Variants in RBFOX1 observed in about 807,000 individuals in gnomAD.
RBFOX1 encodes the protein RNA binding fox-1 homolog 1.
In RBFOX1, 8 loss-of-function variants were observed where a neutral mutation model predicts 57.7. That is an observed-to-expected ratio of 0.14 (90% CI 0.08 to 0.25). The LOEUF (loss-of-function observed/expected upper bound fraction) is 0.25. RBFOX1 is among the 10% of genes least tolerant of loss of function. The pLI is 1.00. For missense variants in RBFOX1, 611 were observed against 548.5 expected, an observed-to-expected ratio of 1.11 and a Z score of -1.14; for synonymous variants, 326 against 222.4, an observed-to-expected ratio of 1.47 and a Z score of -4.15.
intron 14 of RBFOX1, among the ~76,000 whole-genome samples, chr16:7,685,803 T>A (rs12930718): frequency 0.97 from 147,744 of 152,176 alleles, 71,895 homozygotes; most frequent in East Asian, 1. Context: ...GCATCCCAGG[T>A]CTTGTAGGTA....
At position 6,725,283 on chromosome 16, in the gene RBFOX1, C is replaced by T. The variant is rs943724554; in HGVS notation, c.-16+70633C>T. On this transcript the variant is annotated intron_variant, in intron 3 of 15. Coordinates refer to ENST00000550418, the MANE Select transcript of RBFOX1 (RefSeq NM_018723.4). Reference sequence around the variant, plus strand: ...AGCCAGGATGGTCTGGATCTCCTGACCTCGTGATCCACCCACCTCGGCCTC... The same window carrying T: ...AGCCAGGATGGTCTGGATCTCCTGATCTCGTGATCCACCCACCTCGGCCTC... Among the ~76,000 whole-genome samples, 6 of 152,002 alleles carry T rather than the reference C, an allele frequency of 3.9e-5. No individual in the cohort carries two copies. In the South Asian group the frequency reaches 1.2e-3, roughly 32 times the overall value.
rs2082617704 is a variant in RBFOX1 at position 7,706,861 on chromosome 16, G to A, written c.996-2195G>A. 2.0e-5 allele frequency among the ~76,000 whole-genome samples: 3 copies of A among 152,270 alleles called. No individual in the cohort carries two copies. The South Asian group carries it at 6.2e-4, about 32-fold the overall frequency. On this transcript the variant is annotated intron_variant, in intron 14 of 15. Transcript: ENST00000550418. Reference sequence around the variant, plus strand: ...TTACTATGTACTTCTAGTTAAGTGGGTAAAGGCCCAGGTCTCAGGAGTGAG... The same window carrying A: ...TTACTATGTACTTCTAGTTAAGTGGATAAAGGCCCAGGTCTCAGGAGTGAG...
chr16:6,385,096 C>G (rs1343672327), intron 2 of RBFOX1, among the ~76,000 whole-genome samples: 1 of 152,178 alleles, frequency 6.6e-6, no homozygotes, highest in Non-Finnish European at 1.5e-5. Context: ...GACTCTCATT[C>G]ACTCTAAAAT....
chr16:7,310,590 C>T (rs2096285085), intron 4 of RBFOX1, among the ~76,000 whole-genome samples: 1 of 152,208 alleles, frequency 6.6e-6, no homozygotes, highest in Non-Finnish European at 1.5e-5. Flanking sequence ...AAACTTCAGA[C>T]ATTCAGGCAC....
intron 4 of RBFOX1, among the ~76,000 whole-genome samples, chr16:5,906,176 G>T (rs762444995): frequency 2.0e-5 from 3 of 152,124 alleles, no homozygotes; most frequent in South Asian, 2.1e-4. Flanking sequence ...TGAAGTCCTA[G>T]GCCTCAGTGC....
chr16:5,711,877 T>C (rs1290078554), intron 3 of RBFOX1, among the ~76,000 whole-genome samples: 1 of 152,220 alleles, frequency 6.6e-6, no homozygotes, highest in African/African-American at 2.4e-5. Context: ...CCTCTATTTA[T>C]TGAGTGCTTA....
chr16:7,053,616 C>T (rs1243420816), intron 4 of RBFOX1, among the ~76,000 whole-genome samples: 1 of 152,108 alleles, frequency 6.6e-6, no homozygotes, highest in Admixed American at 6.5e-5. Context: ...GTTAAGGACG[C>T]AGTAGGTAAT....
At chr16:5,469,963 G>T (rs2069079365) in intron 2 of RBFOX1, among the ~76,000 whole-genome samples, 1 of 152,094 alleles carries the variant, frequency 6.6e-6, no homozygotes, top group Non-Finnish European at 1.5e-5. Context: ...ATAAACATTT[G>T]TGCCCATGTA....
intron 1 of RBFOX1, among the ~76,000 whole-genome samples, chr16:6,270,452 T>A (rs1325145223): frequency 7.8e-6 from 1 of 128,210 alleles, no homozygotes; most frequent in Non-Finnish European, 1.6e-5. Context: ...ATAAAGTAGA[T>A]TTAAGAGCAA....
At chr16:5,698,942 C>G (rs1252208405) in intron 3 of RBFOX1, among the ~76,000 whole-genome samples, 3 of 149,216 alleles carry the variant, frequency 2.0e-5, no homozygotes, top group East Asian at 2.0e-4. Flanking sequence ...ATCTGTGTAG[C>G]TTGGTTTTAG....
chr16:5,737,267 T>G (rs2052611179), intron 3 of RBFOX1, among the ~76,000 whole-genome samples: 1 of 151,996 alleles, frequency 6.6e-6, no homozygotes, highest in African/African-American at 2.4e-5. Flanking sequence ...GTGAATCACT[T>G]GAGGTTAGGA....
At chr16:7,101,191 C>G (rs749921235) in intron 4 of RBFOX1, among the ~76,000 whole-genome samples, 6 of 152,132 alleles carry the variant, frequency 3.9e-5, no homozygotes, top group Admixed American at 1.3e-4. Flanking sequence ...GCAGAGCTGG[C>G]CTATGCAGGC....
intron 4 of RBFOX1, among the ~76,000 whole-genome samples, chr16:7,356,894 C>G (rs1347741273): frequency 6.6e-6 from 1 of 152,130 alleles, no homozygotes; most frequent in Non-Finnish European, 1.5e-5. Flanking sequence ...CAAAGCATGG[C>G]AAGAACCTCC....
chr16:6,197,934 A>G (rs1480917113), intron 1 of RBFOX1, among the ~76,000 whole-genome samples: 6 of 152,308 alleles, frequency 3.9e-5, no homozygotes, highest in Admixed American at 2.6e-4. Flanking sequence ...TTTGCTAAAG[A>G]CGATGGCCTC....
chr16:6,165,336 A>G (rs1277002543), intron 1 of RBFOX1, among the ~76,000 whole-genome samples: 1 of 152,168 alleles, frequency 6.6e-6, no homozygotes, highest in Admixed American at 6.5e-5. Context: ...AACTACCCTT[A>G]CCAGTGCCAA....
intron 2 of RBFOX1, among the ~76,000 whole-genome samples, chr16:6,371,290 T>C (rs1403110746): frequency 6.6e-6 from 1 of 152,236 alleles, no homozygotes; most frequent in East Asian, 1.9e-4. Flanking sequence ...TTATGATTAT[T>C]ACGGCTATCA....
At chr16:5,413,422 C>G (rs1361910593) in intron 1 of RBFOX1, among the ~76,000 whole-genome samples, 1 of 152,170 alleles carries the variant, frequency 6.6e-6, no homozygotes, top group Admixed American at 6.5e-5. Flanking sequence ...TCCGTGGTAT[C>G]CATGTAGCTA....
At chr16:5,772,108 G>T (rs915347950) in intron 3 of RBFOX1, among the ~76,000 whole-genome samples, 11 of 151,864 alleles carry the variant, frequency 7.2e-5, no homozygotes, top group African/African-American at 2.7e-4. Context: ...GGAGGCGGAG[G>T]TTGCAATGAG....
At chr16:5,459,748 C>G (rs1044952742) in intron 1 of RBFOX1, among the ~76,000 whole-genome samples, 2 of 152,154 alleles carry the variant, frequency 1.3e-5, no homozygotes, top group African/African-American at 4.8e-5. Context: ...CACGCTCACA[C>G]ACGCACCTGC....
Sources: allele counts gnomAD v4.1 joint callset (sites outside exome capture counted in the v4.1 genomes callset), GRCh38; gene constraint gnomAD v4.1.1; transcripts MANE v1.5; gene names NCBI Gene and HGNC (gene_info 2026-07-23, HGNC 2026-07-21).